Variants in ANO3 observed in about 807,000 individuals in gnomAD.
ANO3 encodes anoctamin 3, also known as anoctamin-3.
ANO3 carries 99 observed loss-of-function variants against 144.8 expected under a neutral mutation model. That is an observed-to-expected ratio of 0.68 (90% CI 0.58 to 0.81). The LOEUF (loss-of-function observed/expected upper bound fraction) is 0.81. Among genes scored for constraint, ANO3 ranks in the 30% least tolerant of loss-of-function variants. The pLI is 0.00. For missense variants in ANO3, 905 were observed against 1,202.2 expected, an observed-to-expected ratio of 0.75 and a Z score of 3.66; for synonymous variants, 414 against 392.6, an observed-to-expected ratio of 1.05 and a Z score of -0.64.
intron 7 of ANO3, among the ~76,000 whole-genome samples, chr11:26,528,505 A>T (rs900763496): frequency 3.4e-4 from 52 of 152,288 alleles, no homozygotes; most frequent in Non-Finnish European, 7.4e-4. Flanking sequence ...ATTCACATTT[A>T]TACTTTGTTT....
In ANO3 at chr11:26,656,134, G is replaced by T. The variant is rs1277790116; in HGVS notation, c.2586G>T (p.Lys862Asn). The change falls in exon 25 of 27, where the codon AAG becomes AAT. Residue 862 changes from lysine (K) to asparagine (N), a missense_variant. By Grantham distance (94) the Lys-to-Asn change is moderately conservative. Around this residue, in one of 4 missense-constraint regions of ANO3, gnomAD observed 597 missense variants for 865.1 expected, o/e 0.69. Coordinates refer to ENST00000256737, the MANE Select transcript of ANO3 (RefSeq NM_031418.4). ...TTTTCTTTTCTCCCAGTTGCTTGAA[G>T]GGATATGTCAACAATAGCCTATCCT... ...NHVEPSENCL[K>N]GYVNNSLSFF... The T allele has an allele frequency of 1.3e-5, 21 of 1,612,464 alleles. No individual in the cohort carries two copies. The highest frequency in any genetic ancestry group is 1.7e-5 in the Admixed American group (1 of 59,868).
At chr11:26,358,343 T>G (rs1323688014) in intron 1 of ANO3, among the ~76,000 whole-genome samples, 1 of 152,094 alleles carries the variant, frequency 6.6e-6, no homozygotes, top group Non-Finnish European at 1.5e-5. Flanking sequence ...GGCTAATTTT[T>G]GTATTTTTAG....
intron 1 of ANO3, among the ~76,000 whole-genome samples, chr11:26,352,017 T>C (rs921209071): frequency 6.6e-6 from 1 of 151,946 alleles, no homozygotes. Flanking sequence ...CCAGCTGGAG[T>C]TGGGATTTTT....
chr11:26,633,190 C>T (rs762298458), intron 18 of ANO3, among the ~76,000 whole-genome samples: 2 of 152,166 alleles, frequency 1.3e-5, no homozygotes, highest in African/African-American at 2.4e-5. Context: ...TTAGATGAGA[C>T]GTATCTATTT....
intron 1 of ANO3, among the ~76,000 whole-genome samples, chr11:26,400,980 G>A (rs550761511): frequency 6.6e-6 from 1 of 151,938 alleles, no homozygotes; most frequent in East Asian, 1.9e-4. Flanking sequence ...AAGTATTTCT[G>A]GGTAAGCTTG....
chr11:26,410,718 G>T (rs1273779769), intron 1 of ANO3, among the ~76,000 whole-genome samples: 1 of 151,982 alleles, frequency 6.6e-6, no homozygotes, highest in Non-Finnish European at 1.5e-5. Flanking sequence ...GGAACCTTAA[G>T]AAGGCAGATT....
Position 26,285,079 on chromosome 11 carries a change from G to T in ANO3, c.155-24566G>T, listed in dbSNP as rs538566531. Among the ~76,000 whole-genome samples, 11 of 151,774 alleles carry T rather than the reference G, an allele frequency of 7.2e-5. No individual in the cohort carries two copies. In the East Asian group the frequency reaches 1.7e-3, roughly 24 times the overall value. ...CACTAGGGGGAGCTACCACTATGTG[G>T]TTTATTTACTGTGTACAATTTTTTT... On this transcript the variant is annotated intron_variant, in intron 1 of 27. Coordinates refer to the ANO3 transcript ENST00000672621.
At chr11:26,490,899 G>A (rs1305759907) in intron 4 of ANO3, among the ~76,000 whole-genome samples, 1 of 152,210 alleles carries the variant, frequency 6.6e-6, no homozygotes, top group Non-Finnish European at 1.5e-5. Context: ...TAATTGGCCT[G>A]TTGCCGAATC....
At chr11:26,273,706 G>A (rs529580252) in intron 1 of ANO3, among the ~76,000 whole-genome samples, 1 of 150,722 alleles carries the variant, frequency 6.6e-6, no homozygotes, top group Non-Finnish European at 1.5e-5. Context: ...AGGATTTCAA[G>A]ATGTGAATCT....
intron 16 of ANO3, 69 bp from the exon 17 acceptor site, chr11:26,599,481 C>T: frequency 6.8e-7 from 1 of 1,477,160 alleles, no homozygotes; most frequent in South Asian, 1.3e-5. Flanking sequence ...TAGATTTGAT[C>T]TACGGTTTTG....
intron 1 of ANO3, among the ~76,000 whole-genome samples, chr11:26,359,876 A>AGTGTGTGT (rs142194688): frequency 0.27 from 40,265 of 149,330 alleles, 5,846 homozygotes; most frequent in East Asian, 0.58. Flanking sequence ...ATGTCAGACT[A>AGTGTGTGT]GTGTGTGTGT....
At chr11:26,561,855 T>C (rs1035419476) in intron 14 of ANO3, among the ~76,000 whole-genome samples, 1 of 151,982 alleles carries the variant, frequency 6.6e-6, no homozygotes, top group African/African-American at 2.4e-5. Context: ...AAACTGGACA[T>C]GCTCTTGGTA....
At chr11:26,469,927 A>G (rs928174706) in intron 4 of ANO3, among the ~76,000 whole-genome samples, 2 of 151,922 alleles carry the variant, frequency 1.3e-5, no homozygotes, top group African/African-American at 4.8e-5. Context: ...AATTGTTTAT[A>G]TCAGTATTAG....
intron 1 of ANO3, among the ~76,000 whole-genome samples, chr11:26,205,525 G>T (rs942647751): frequency 6.6e-5 from 10 of 152,102 alleles, no homozygotes; most frequent in African/African-American, 2.4e-4. Context: ...AATAATTTGG[G>T]ACTAAAAGGT....
At position 26,463,025 on chromosome 11, in the gene ANO3, T is replaced by C. The variant is rs1859469291; in HGVS notation, c.314-5T>C. 1 of 1,463,696 alleles carries C rather than the reference T, an allele frequency of 6.8e-7. No individual in the cohort carries two copies. The highest frequency in any genetic ancestry group is 1.4e-5 in the African/African-American group (1 of 69,848). The allele number at this position is 1,463,696 out of a possible 1,614,324, so 90.7% of individuals were successfully genotyped here. A position where few individuals can be genotyped will look rare whatever the true frequency, so the allele number is the denominator to read the frequency against. On this transcript the variant is annotated splice_region_variant and splice_polypyrimidine_tract_variant and intron_variant, in intron 3 of 26. Coordinates refer to ENST00000256737, the MANE Select transcript of ANO3 (RefSeq NM_031418.4). ...TGGATATAACTTTCTCTTTCTCTTTTATAGCCCTAGGAAAAGATAAGGATT... is the reference window on the plus strand; with the variant it reads ...TGGATATAACTTTCTCTTTCTCTTTCATAGCCCTAGGAAAAGATAAGGATT...
chr11:26,441,825 A>C, intron 1 of ANO3, 93 bp from the exon 2 acceptor site: 1 of 872,390 alleles, frequency 1.1e-6, no homozygotes, highest in Non-Finnish European at 1.8e-6. Flanking sequence ...TCAATAGTTC[A>C]TTCCTGAAAC....
chr11:26,306,380 G>T (rs1332270638), upstream of ANO3, among the ~76,000 whole-genome samples: 1 of 151,944 alleles, frequency 6.6e-6, no homozygotes, highest in African/African-American at 2.4e-5. Flanking sequence ...TCTCTCCAAG[G>T]CTCCCGAATG....
intron 4 of ANO3, chr11:26,474,150 T>A (rs1859876300): frequency 1.1e-6 from 1 of 950,682 alleles, no homozygotes; most frequent in Admixed American, 6.2e-5. Context: ...AGTGCATCAA[T>A]CTAGGAATTC....
chr11:26,522,217 A>C (rs370711), intron 6 of ANO3, among the ~76,000 whole-genome samples: 109,895 of 151,120 alleles, frequency 0.73, 40,231 homozygotes, highest in Middle Eastern at 0.81. Context: ...ACAACAACAA[A>C]AAAAAAACAT....
Sources: gnomAD v4.1 joint callset for allele counts (sites outside exome capture counted in the v4.1 genomes callset) on GRCh38, gnomAD v4.1.1 for gene constraint, gnomAD v4.1.1 regional missense constraint, MANE v1.5 for transcripts, NCBI Gene and HGNC (gene_info 2026-07-23, HGNC 2026-07-21) for gene names.